The following TMEM175 variants were observed in gnomAD, a reference collection of about 807,000 sequenced individuals.
The protein encoded by TMEM175 is transmembrane protein 175.
A neutral mutation model predicts 36.5 loss-of-function variants in TMEM175; 36 were observed. The observed-to-expected ratio is 0.99, with a 90% CI of 0.76 to 1.30. The LOEUF (loss-of-function observed/expected upper bound fraction) is 1.30. Among genes scored for constraint, TMEM175 ranks in the 50% most tolerant of loss-of-function variants. The pLI is 0.00. For missense variants in TMEM175, 705 were observed against 692.8 expected, an observed-to-expected ratio of 1.02 and a Z score of -0.20; for synonymous variants, 339 against 313.4, an observed-to-expected ratio of 1.08 and a Z score of -0.86.
intron 1 of TMEM175, among the ~76,000 whole-genome samples, chr4:939,761 T>G (rs971112381): frequency 6.6e-6 from 1 of 152,124 alleles, no homozygotes; most frequent in Non-Finnish European, 1.5e-5. Context: ...GCATTATGTA[T>G]AAAAGTTAAC....
At chr4:948,300 G>T in intron 3 of TMEM175, 146 bp downstream of exon 3, 1 of 1,557,072 alleles carries the variant, frequency 6.4e-7, no homozygotes, top group African/African-American at 1.4e-5. Flanking sequence ...GGCCTCCTTG[G>T]AAAGGGAGGG....
chr4:944,547 G>C (rs2152999175), intron 1 of TMEM175, among the ~76,000 whole-genome samples: 1 of 152,188 alleles, frequency 6.6e-6, no homozygotes, highest in East Asian at 1.9e-4. Context: ...TCTGGAAGTT[G>C]GCGAACATTG....
chr4:952,297 C>G, intron 6 of TMEM175, 70 bp from the exon 7 acceptor site: 3 of 1,419,180 alleles, frequency 2.1e-6, no homozygotes, highest in Non-Finnish European at 3.0e-6. Context: ...CTCACCATGG[C>G]CCAGTTCCAG....
Position 957,866 on chromosome 4 carries a change from C to G in TMEM175, c.885C>G (p.Phe295Leu). 1 of 1,612,416 alleles carries G rather than the reference C, an allele frequency of 6.2e-7. No individual in the cohort carries two copies. Among genetic ancestry groups the G allele is most frequent in the Non-Finnish European group, 8.5e-7 (1 of 1,179,768 alleles). Residue 295 changes from phenylalanine (F) to leucine (L), a missense_variant, in exon 11 of 11, where the codon TTC (phenylalanine) becomes TTG (leucine). Phe to Leu is a conservative substitution (Grantham distance 22). Coordinates refer to ENST00000264771, the MANE Select transcript of TMEM175 (RefSeq NM_032326.4). ...VPDPKDVKER[F>L]SGSLVAALSA... The stretch of plus-strand genomic sequence containing the variant: ...ACCCCAAGGATGTGAAGGAGAGGTT[C>G]AGCGGCAGCCTCGTGGCCGCCCTGA...
At chr4:957,542 C>G (rs1267027719) in intron 10 of TMEM175, among the ~76,000 whole-genome samples, 9 of 152,368 alleles carry the variant, frequency 5.9e-5, no homozygotes, top group African/African-American at 2.2e-4. Context: ...GGGCTGCAGC[C>G]CAGGGCCCCC....
intron 1 of TMEM175, among the ~76,000 whole-genome samples, chr4:933,351 A>G (rs1386816054): frequency 6.6e-6 from 1 of 152,112 alleles, no homozygotes; most frequent in Admixed American, 6.6e-5. Flanking sequence ...TACTAAAAAT[A>G]CAAAAATTAG....
chr4:957,370 C>T (rs1729822623), intron 10 of TMEM175, among the ~76,000 whole-genome samples: 1 of 152,188 alleles, frequency 6.6e-6, no homozygotes, highest in Non-Finnish European at 1.5e-5. Context: ...CTCCTGAGAC[C>T]CCCATGTGCA....
intron 10 of TMEM175, chr4:956,778 C>T (rs992949020): frequency 9.4e-6 from 3 of 319,850 alleles, no homozygotes; most frequent in African/African-American, 4.4e-5. Context: ...TTACATCTTC[C>T]ATCCTTTTGG....
At chr4:935,454 G>C (rs1726684395) in intron 1 of TMEM175, among the ~76,000 whole-genome samples, 1 of 152,170 alleles carries the variant, frequency 6.6e-6, no homozygotes, top group African/African-American at 2.4e-5. Flanking sequence ...TAATGAAGAA[G>C]GGGTGAATTC....
At chr4:945,615 C>T (rs1298767347) in intron 1 of TMEM175, among the ~76,000 whole-genome samples, 1 of 152,158 alleles carries the variant, frequency 6.6e-6, no homozygotes, top group Non-Finnish European at 1.5e-5. Context: ...TGTTTTTGTG[C>T]GTCTCGCCTT....
rs75307864 is a variant in TMEM175 at position 958,194 on chromosome 4, C to G, written c.1213C>G (p.Leu405Val). Residue 405 changes from leucine (L) to valine (V), a missense_variant, in exon 11 of 11, where the codon CTG becomes GTG. Leu to Val is a conservative substitution (Grantham distance 32, BLOSUM62 1). Coordinates refer to ENST00000264771, the MANE Select transcript of TMEM175 (RefSeq NM_032326.4). ...TTALLHQAET[L>V]QPSVWFGGRE... ...GGCGCTGCTGCACCAGGCGGAGACG[C>G]TGCAGCCCTCGGTGTGGTTTGGCGG... 5,396 of 1,602,898 alleles carry G rather than the reference C, an allele frequency of 3.4e-3. 16 individuals are homozygous for G. The highest frequency in any genetic ancestry group is 3.8e-3 in the Non-Finnish European group (4,512 of 1,177,546).
At chr4:952,723 A>C (rs1425379416) in intron 7 of TMEM175, among the ~76,000 whole-genome samples, 4 of 137,320 alleles carry the variant, frequency 2.9e-5, no homozygotes, top group East Asian at 2.3e-4. Flanking sequence ...GTGTGTGTTC[A>C]CCATCAGCCC....
Position 932,570 on chromosome 4 carries a change from T to C in TMEM175, c.-32+30T>C. The stretch of plus-strand genomic sequence containing the variant: ...TTCAGCGCCCCAGTCCAGCTCCCGG[T>C]ACCGTTCCCCACATGGTCTGTTTTG... On this transcript the variant is annotated intron_variant, in intron 1 of 10. Coordinates refer to ENST00000264771, the MANE Select transcript of TMEM175 (RefSeq NM_032326.4). The surrounding 1 kb of genome is among the most constrained non-coding windows in gnomAD (Gnocchi z 4.0). The C allele has an allele frequency of 2.4e-6, 1 of 419,850 alleles. No homozygotes were observed. The highest frequency in any genetic ancestry group is 4.2e-6 in the Non-Finnish European group (1 of 239,148). The allele number at this position is 419,850 out of a possible 1,614,324, so 26.0% of individuals were successfully genotyped here.
At chr4:955,560 C>G in intron 9 of TMEM175, 77 bp downstream of exon 9, 5 of 1,510,624 alleles carry the variant, frequency 3.3e-6, no homozygotes, top group Non-Finnish European at 4.6e-6. Context: ...GCACTGAGGG[C>G]TGTCCGTGGG....
chr4:941,549 C>T (rs976470803), intron 1 of TMEM175, among the ~76,000 whole-genome samples: 2 of 151,590 alleles, frequency 1.3e-5, no homozygotes, highest in African/African-American at 4.8e-5. Flanking sequence ...AGAAATACTC[C>T]TGCGTCAAAC....
chr4:957,144 C>T (rs1729774455), intron 10 of TMEM175, among the ~76,000 whole-genome samples: 1 of 152,234 alleles, frequency 6.6e-6, no homozygotes, highest in African/African-American at 2.4e-5. Context: ...CTTGCTGCCT[C>T]CAGTCTGTCT....
chr4:952,224 C>T, intron 6 of TMEM175, 143 bp from the exon 7 acceptor site: 1 of 714,472 alleles, frequency 1.4e-6, no homozygotes, highest in East Asian at 2.6e-5. Context: ...CCCCCCAGCA[C>T]CCAGCTGGCG....
At chr4:948,365 G>A (rs1560485366) in intron 3 of TMEM175, 5 of 1,532,908 alleles carry the variant, frequency 3.3e-6, no homozygotes, top group Non-Finnish European at 4.4e-6. Flanking sequence ...CTGGCCTCCT[G>A]GGAGGGTGGG....
chr4:934,728 G>A (rs1471098099), intron 1 of TMEM175, among the ~76,000 whole-genome samples: 1 of 152,204 alleles, frequency 6.6e-6, no homozygotes, highest in Non-Finnish European at 1.5e-5. Flanking sequence ...ATGGAAGGGA[G>A]AGAAGGTTTG....
Sources: gnomAD v4.1 joint callset for allele counts (sites outside exome capture counted in the v4.1 genomes callset) on GRCh38, gnomAD v4.1.1 for gene constraint, Gnocchi (gnomAD v3.1) non-coding constraint, MANE v1.5 for transcripts, NCBI Gene and HGNC (gene_info 2026-07-23, HGNC 2026-07-21) for gene names.